The following PCDH11Y variants were observed in gnomAD, a reference collection of about 807,000 sequenced individuals.
PCDH11Y encodes protocadherin-11 Y-linked.
For missense variants in PCDH11Y, 12 were observed against 224.8 expected (o/e 0.05, Z 6.05); for synonymous variants, 9 against 83.6 (o/e 0.11, Z 4.87).
intron 2 of PCDH11Y, among the ~76,000 whole-genome samples, chrY:5,435,475 A>G: frequency 2.3e-4 from 7 of 30,598 alleles, no homozygotes; most frequent in Admixed American, 8.9e-4. Flanking sequence ...CACCATGCCC[A>G]GCTAATTTTT....
At chrY:5,552,215 C>T (rs2053419188) in intron 3 of PCDH11Y, among the ~76,000 whole-genome samples, 1 of 31,729 alleles carries the variant, frequency 3.2e-5, no homozygotes, top group Non-Finnish European at 7.8e-5. Context: ...GGAATTTCAA[C>T]AAATATCAGA....
chrY:5,346,832 G>A (rs2053153051), intron 2 of PCDH11Y, among the ~76,000 whole-genome samples: 1 of 32,976 alleles, frequency 3.0e-5, no homozygotes, highest in Non-Finnish European at 7.4e-5. Context: ...CAACCACAAC[G>A]TTAACCACAA....
chrY:5,412,496 A>G (rs2053248442), intron 2 of PCDH11Y, among the ~76,000 whole-genome samples: 1 of 32,868 alleles, frequency 3.0e-5, no homozygotes, highest in Non-Finnish European at 7.5e-5. Context: ...GAGAGAGAGC[A>G]TTATTTTCTT....
chrY:5,709,065 A>C, intron 4 of PCDH11Y, among the ~76,000 whole-genome samples: 1 of 31,320 alleles, frequency 3.2e-5, no homozygotes. Context: ...TGGCCTTTTA[A>C]GATATATTTT....
At chrY:5,663,474 A>T in intron 4 of PCDH11Y, among the ~76,000 whole-genome samples, 1 of 33,758 alleles carries the variant, frequency 3.0e-5, no homozygotes, top group Admixed American at 2.7e-4. Context: ...GTACCATTTT[A>T]AGAAGCTAGC....
chrY:5,247,330 G>A, intron 2 of PCDH11Y, among the ~76,000 whole-genome samples: 3 of 33,498 alleles, frequency 9.0e-5, no homozygotes, highest in Non-Finnish European at 2.2e-4. Context: ...CACATGATTC[G>A]AAGTAAAACA....
intron 2 of PCDH11Y, among the ~76,000 whole-genome samples, chrY:5,168,542 CATATATATATATATATATATATATAT>C (rs61386097): frequency 3.7e-3 from 6 of 1,630 alleles, no homozygotes; most frequent in Admixed American, 0.033. Flanking sequence ...TCGTAGACAT[CATATATATATATATATATATATATAT>C]ATATATATAT....
intron 2 of PCDH11Y, among the ~76,000 whole-genome samples, chrY:5,220,802 C>T: frequency 1.6e-4 from 4 of 24,924 alleles, no homozygotes; most frequent in Admixed American, 1.1e-3. Context: ...CTGCAATCTC[C>T]GCCTCCCCGG....
At chrY:5,599,609 A>G in intron 4 of PCDH11Y, among the ~76,000 whole-genome samples, 1 of 33,502 alleles carries the variant, frequency 3.0e-5, no homozygotes, top group Non-Finnish European at 7.4e-5. Context: ...AAATGCAAAG[A>G]TGTGAAAAAG....
intron 2 of PCDH11Y, among the ~76,000 whole-genome samples, chrY:5,283,161 C>T (rs2053056175): frequency 3.0e-5 from 1 of 33,105 alleles, no homozygotes; most frequent in Non-Finnish European, 7.5e-5. Flanking sequence ...TATACAAGTA[C>T]ATGCCATGGT....
At chrY:5,079,470 AC>A (rs2052715841) in intron 1 of PCDH11Y, among the ~76,000 whole-genome samples, 1 of 31,510 alleles carries the variant, frequency 3.2e-5, no homozygotes, top group African/African-American at 1.3e-4. Flanking sequence ...TTGTTTCCCT[AC>A]ATCCTCTGAA....
At chrY:5,019,844 T>C (rs2052566687) in intron 1 of PCDH11Y, among the ~76,000 whole-genome samples, 1 of 31,789 alleles carries the variant, frequency 3.1e-5, no homozygotes, top group African/African-American at 1.2e-4. Flanking sequence ...TACCACTAGA[T>C]AGCAGTGAGG....
chrY:5,226,100 C>T (rs2052960307), intron 2 of PCDH11Y, among the ~76,000 whole-genome samples: 1 of 24,584 alleles, frequency 4.1e-5, no homozygotes, highest in Non-Finnish European at 9.1e-5. Flanking sequence ...CAACCTCTGC[C>T]AACTGGGTTC....
chrY:5,398,446 C>T, intron 2 of PCDH11Y, among the ~76,000 whole-genome samples: 1 of 32,374 alleles, frequency 3.1e-5, no homozygotes, highest in African/African-American at 1.2e-4. Context: ...AAAATAGTCT[C>T]ATCGTTCTTT....
At chrY:5,031,439 T>C in intron 1 of PCDH11Y, among the ~76,000 whole-genome samples, 1 of 33,132 alleles carries the variant, frequency 3.0e-5, no homozygotes, top group South Asian at 6.7e-4. Flanking sequence ...ATTTAATCCA[T>C]AATTTTTGCA....
chrY:5,369,929 T>A, intron 2 of PCDH11Y, among the ~76,000 whole-genome samples: 1 of 33,108 alleles, frequency 3.0e-5, no homozygotes, highest in Non-Finnish European at 7.4e-5. Flanking sequence ...TTGGATTGCT[T>A]TGTCTATTAA....
intron 3 of PCDH11Y, among the ~76,000 whole-genome samples, chrY:5,544,506 T>C: frequency 3.1e-5 from 1 of 32,655 alleles, no homozygotes; most frequent in Admixed American, 2.8e-4. Flanking sequence ...GAATTAACAC[T>C]ATTATACAAA....
chrY:5,041,198 G>A (rs1602843094), intron 3 of PCDH11Y, among the ~76,000 whole-genome samples: 1 of 31,768 alleles, frequency 3.1e-5, no homozygotes, highest in Non-Finnish European at 7.6e-5. Flanking sequence ...ATGCTGGTGC[G>A]CTGCACCCAC....
At chrY:5,271,323 G>T in intron 2 of PCDH11Y, among the ~76,000 whole-genome samples, 1 of 32,912 alleles carries the variant, frequency 3.0e-5, no homozygotes, top group African/African-American at 1.2e-4. Context: ...GAGTAAAATA[G>T]CACCATATTT....
Sources: allele counts gnomAD v4.1 joint callset (sites outside exome capture counted in the v4.1 genomes callset), GRCh38; gene constraint gnomAD v4.1.1; transcripts MANE v1.5; gene names NCBI Gene and HGNC (gene_info 2026-07-23, HGNC 2026-07-21).